Variants in HEATR5A observed in about 807,000 individuals in gnomAD.
The protein encoded by HEATR5A is HEAT repeat-containing protein 5A.
HEATR5A carries 178 observed loss-of-function variants against 218.8 expected under a neutral mutation model. The ratio of observed to expected loss-of-function variants is 0.81; its 90% CI spans 0.72 to 0.92. The LOEUF is 0.92. HEATR5A is among the 40% of genes least tolerant of loss of function. HEATR5A has a pLI of 0.00. For missense variants in HEATR5A, 2,420 were observed against 2,418.9 expected (o/e 1.00, Z -0.01); for synonymous variants, 864 against 871.6 (o/e 0.99, Z 0.15).
intron 23 of HEATR5A, 50 bp from the exon 24 acceptor site, chr14:31,323,854 A>G: frequency 8.2e-7 from 1 of 1,223,436 alleles, no homozygotes; most frequent in South Asian, 1.4e-5. Flanking sequence ...AAAGATATAT[A>G]TATATATATC....
chr14:31,294,822 CA>C (rs1400651896), intron 34 of HEATR5A, among the ~76,000 whole-genome samples: 4 of 152,066 alleles, frequency 2.6e-5, no homozygotes, highest in Non-Finnish European at 4.4e-5. Context: ...ATGTTTTAGA[CA>C]AAAATGATGT....
chr14:31,388,545 A>G (rs1468738154), intron 7 of HEATR5A, among the ~76,000 whole-genome samples: 2 of 152,236 alleles, frequency 1.3e-5, no homozygotes, highest in Non-Finnish European at 2.9e-5. Flanking sequence ...AATACAATGG[A>G]AAACATGTTA....
intron 14 of HEATR5A, among the ~76,000 whole-genome samples, chr14:31,362,606 C>CAAAAAAA (rs71115003): frequency 1.5e-3 from 65 of 44,762 alleles, no homozygotes; most frequent in Admixed American, 2.7e-3. Flanking sequence ...CTACAAATGA[C>CAAAAAAA]AAAAAAAAAA....
intron 31 of HEATR5A, among the ~76,000 whole-genome samples, chr14:31,305,893 A>C (rs1899540887): frequency 6.6e-6 from 1 of 152,220 alleles, no homozygotes. Context: ...TTAGATGAGC[A>C]AATAAATCTT....
chr14:31,387,578 G>A (rs572386865), intron 7 of HEATR5A, among the ~76,000 whole-genome samples: 72 of 73,138 alleles, frequency 9.8e-4, no homozygotes, highest in South Asian at 2.9e-3. Flanking sequence ...TTTTTTTTTT[G>A]AGACGGAGTC....
At chr14:31,320,118 T>G (rs1452981243) in intron 25 of HEATR5A, 2 of 229,422 alleles carry the variant, frequency 8.7e-6, no homozygotes, top group Non-Finnish European at 1.7e-5. Flanking sequence ...ATTTATTTAT[T>G]TATTTAGAGA....
chr14:31,294,084 C>T lies in HEATR5A; in HGVS notation c.5640G>A (p.Gln1880=), dbSNP rs750259280. ...KDPVVQIKTY[Q]LLHSIFQYPN... is the part of the protein sequence containing the mutation. ...GATACTGAAAGATGGAATGTAGGAG[C>T]TGGTAGGTCTTGATTTGTACCTAAT... The change falls in exon 35 of 36, where the codon CAG becomes CAA. Residue 1880 remains glutamine (Q), a synonymous_variant. Coordinates refer to ENST00000543095, the MANE Select transcript of HEATR5A (RefSeq NM_015473.4). 25 of 1,591,296 alleles carry T rather than the reference C, an allele frequency of 1.6e-5. No individual in the cohort carries two copies. In the Admixed American group the frequency reaches 3.9e-4, roughly 25 times the overall value.
Position 31,400,526 on chromosome 14 carries a change from T to C in HEATR5A, c.127-14A>G. On this transcript the variant is annotated splice_polypyrimidine_tract_variant and intron_variant, in intron 2 of 35. Transcript: ENST00000543095. ...CCTTACATCATTCTAGAAAGAAAGA[T>C]AACACAAAGACAATTCAAAGTCAAT... is the stretch of plus-strand genomic sequence containing the variant. 2 of 1,482,364 alleles carry C rather than the reference T, an allele frequency of 1.3e-6. No individual in the cohort carries two copies. The highest frequency in any genetic ancestry group is 2.5e-5 in the South Asian group (2 of 81,484). 91.8% of individuals were successfully genotyped at this position (1,482,364 alleles called of 1,614,324 possible).
At chr14:31,410,149 T>C (rs973385905) in intron 1 of HEATR5A, among the ~76,000 whole-genome samples, 2 of 152,184 alleles carry the variant, frequency 1.3e-5, no homozygotes, top group African/African-American at 4.8e-5. Flanking sequence ...CCAGAATGTA[T>C]CAAGTACCTG....
intron 2 of HEATR5A, among the ~76,000 whole-genome samples, chr14:31,401,072 CTTA>C (rs1164101116): frequency 1.3e-5 from 2 of 152,056 alleles, no homozygotes; most frequent in African/African-American, 2.4e-5. Flanking sequence ...ATCTCCTGAC[CTTA>C]TGATCCACCC....
intron 26 of HEATR5A, 31 bp from the exon 27 acceptor site, chr14:31,315,980 T>C: frequency 6.7e-7 from 1 of 1,488,334 alleles, no homozygotes; most frequent in Non-Finnish European, 9.0e-7. Context: ...AGTTATATTT[T>C]AAAATTATAA....
intron 25 of HEATR5A, chr14:31,320,658 C>T (rs923962274): frequency 3.1e-5 from 19 of 613,382 alleles, no homozygotes; most frequent in South Asian, 2.1e-4. Context: ...CAGCTTTAGC[C>T]CTTGGTCTCA....
rs1899416616 is a variant in HEATR5A at position 31,302,511 on chromosome 14, A to G, written c.5248T>C (p.Ser1750Pro). ...AGGTACAATATAGTAGGGAGAATTG[A>G]GATGCTTCCTGTAAGATACATTTTT... ...PAVCSPEGSI[S>P]ILPTILYLTI... Residue 1750 changes from serine to proline, a missense_variant, in exon 33 of 36, where the codon TCA (serine) becomes CCA (proline). Transcript: ENST00000543095. The G allele has an allele frequency of 6.4e-7, 1 of 1,566,376 alleles. No homozygotes were observed. The highest frequency in any genetic ancestry group is 2.3e-5 in the East Asian group (1 of 42,920).
chr14:31,417,192 T>C (rs2031479689), intron 1 of HEATR5A, among the ~76,000 whole-genome samples: 1 of 152,152 alleles, frequency 6.6e-6, no homozygotes, highest in Admixed American at 6.5e-5. Flanking sequence ...AAATTTCCCA[T>C]ACCAGATCTA....
intron 22 of HEATR5A, chr14:31,334,418 T>C (rs1383655600): frequency 4.4e-6 from 2 of 456,180 alleles, no homozygotes; most frequent in Non-Finnish European, 8.8e-6. Flanking sequence ...AGATGGTTTC[T>C]GCAGATGGAA....
rs77738195 is a variant in HEATR5A, at chr14:31,342,279, T to C, written c.3228+1617A>G. ...GGTACTTTACTGTAGTCCGAGCTAC[T>C]TCGGAGGCTGAAGGGGGAGGATCAC... is the stretch of plus-strand genomic sequence containing the variant. On this transcript the variant is annotated intron_variant, in intron 21 of 35. Transcript: ENST00000543095. Among the ~76,000 whole-genome samples the C allele has an allele frequency of 4.6e-4, 70 of 152,142 alleles. No homozygotes were observed. In the East Asian group the frequency reaches 7.7e-3, roughly 17 times the overall value.
intron 27 of HEATR5A, 56 bp downstream of exon 27, chr14:31,315,714 C>T: frequency 1.1e-5 from 15 of 1,320,514 alleles, no homozygotes; most frequent in Non-Finnish European, 1.5e-5. Context: ...AGTTTATGGC[C>T]TAAGGTGTTT....
chr14:31,347,398 G>C (rs557758280), intron 19 of HEATR5A, among the ~76,000 whole-genome samples: 3 of 152,224 alleles, frequency 2.0e-5, no homozygotes, highest in African/African-American at 7.2e-5. Flanking sequence ...CTTTTGTAGA[G>C]ACAGTGTTTT....
chr14:31,388,775 G>T, intron 7 of HEATR5A, 70 bp downstream of exon 7: 1 of 1,218,336 alleles, frequency 8.2e-7, no homozygotes, highest in South Asian at 1.3e-5. Flanking sequence ...CACTTCTGTG[G>T]AGTCAGATAC....
Sources: allele counts gnomAD v4.1 joint callset (sites outside exome capture counted in the v4.1 genomes callset), GRCh38; gene constraint gnomAD v4.1.1; transcripts MANE v1.5; gene names NCBI Gene and HGNC (gene_info 2026-07-23, HGNC 2026-07-21).